TANGO6: variants seen among roughly 807,000 people sequenced by gnomAD.
TANGO6 encodes the protein transport and Golgi organization protein 6 homolog.
In TANGO6, 90 loss-of-function variants were observed where a neutral mutation model predicts 114.2. The observed-to-expected ratio is 0.79, with a 90% CI of 0.66 to 0.94. The LOEUF (loss-of-function observed/expected upper bound fraction) is 0.94. TANGO6 is among the 40% of genes least tolerant of loss of function. The pLI is 0.00. For synonymous variants in TANGO6, 477 were observed against 509.8 expected (o/e 0.94, Z 0.87); for missense variants, 1,274 against 1,315.3 (o/e 0.97, Z 0.49).
chr16:69,056,997 CTTTTTTTTTTT>C (rs71148961), intron 17 of TANGO6, among the ~76,000 whole-genome samples: 2 of 59,822 alleles, frequency 3.3e-5, no homozygotes, highest in South Asian at 7.3e-4. Flanking sequence ...GCCTGATTTT[CTTTTTTTTTTT>C]TTTTTTTTTT....
chr16:68,951,891 C>T (rs937748465), intron 14 of TANGO6, among the ~76,000 whole-genome samples: 2 of 152,134 alleles, frequency 1.3e-5, no homozygotes, highest in African/African-American at 4.8e-5. Context: ...AGATTACAGG[C>T]GTGAGCCACC....
chr16:68,978,708 C>T (rs983805139), intron 15 of TANGO6, among the ~76,000 whole-genome samples: 3 of 152,080 alleles, frequency 2.0e-5, no homozygotes, highest in African/African-American at 7.2e-5. Flanking sequence ...CCTACCTCTT[C>T]TCTGCAGTGG....
chr16:68,902,375 G>T lies in TANGO6; in HGVS notation c.1538G>T (p.Arg513Met), dbSNP rs1277385664. 2 of 1,613,114 alleles carry T rather than the reference G, an allele frequency of 1.2e-6. No individual in the cohort carries two copies. The highest frequency in any genetic ancestry group is 1.7e-6 in the Non-Finnish European group (2 of 1,179,532). Residue 513 changes from arginine (R) to methionine (M), a missense_variant, in exon 9 of 18, where the codon AGG becomes ATG. Coordinates refer to ENST00000261778, the MANE Select transcript of TANGO6 (RefSeq NM_024562.2). ...TTATGGATTCTGGGGAAGCTGGAAA[G>T]GAAGAAGGCAATTGCCAGCCTGAAA... The part of the protein sequence containing the change: ...ILLWILGKLE[R>M]KKAIASLKGF...
chr16:69,069,638 A>C (rs1017252903), intron 17 of TANGO6, among the ~76,000 whole-genome samples: 3 of 151,978 alleles, frequency 2.0e-5, no homozygotes, highest in African/African-American at 7.3e-5. Flanking sequence ...CTTGCGTGTT[A>C]TTCCTCTGTT....
At chr16:69,018,916 T>A (rs575972490) in intron 15 of TANGO6, among the ~76,000 whole-genome samples, 3 of 151,690 alleles carry the variant, frequency 2.0e-5, no homozygotes, top group South Asian at 2.1e-4. Flanking sequence ...TCTCAAAAAA[T>A]AAATAAATAA....
At chr16:68,937,096 A>G (rs1044835396) in intron 14 of TANGO6, 2 of 152,232 alleles carry the variant, frequency 1.3e-5, no homozygotes, top group Non-Finnish European at 2.9e-5. Flanking sequence ...TCTCTATCTC[A>G]TTCTCAGATT....
At chr16:68,973,169 G>T (rs1280919990) in intron 14 of TANGO6, 1 of 455,994 alleles carries the variant, frequency 2.2e-6, no homozygotes, top group Admixed American at 2.3e-5. Flanking sequence ...CCAATGAGGG[G>T]ATTATTGGAG....
chr16:68,903,650 G>C (rs1423994854), intron 9 of TANGO6, among the ~76,000 whole-genome samples: 2 of 150,402 alleles, frequency 1.3e-5, no homozygotes, highest in Non-Finnish European at 3.0e-5. Flanking sequence ...GACCAGGCGT[G>C]GTGGCTCACA....
chr16:69,055,555 G>C (rs550668117), intron 17 of TANGO6, among the ~76,000 whole-genome samples: 16 of 152,346 alleles, frequency 1.1e-4, no homozygotes, highest in African/African-American at 3.6e-4. Flanking sequence ...CAACTTGGCT[G>C]GGCCAGGTGT....
intron 1 of TANGO6, among the ~76,000 whole-genome samples, chr16:68,850,991 T>A (rs553097763): frequency 3.9e-5 from 6 of 152,344 alleles, no homozygotes; most frequent in African/African-American, 1.4e-4. Flanking sequence ...TTTCCTCCTC[T>A]GCTCTCTCCC....
chr16:68,974,666 TAAC>T (rs1160728263), intron 15 of TANGO6, among the ~76,000 whole-genome samples: 6 of 150,596 alleles, frequency 4.0e-5, no homozygotes, highest in African/African-American at 7.3e-5. Flanking sequence ...ATCTCAAAAA[TAAC>T]AACAACAAAA....
chr16:68,883,376 A>G (rs564083335), intron 7 of TANGO6, among the ~76,000 whole-genome samples: 45 of 152,268 alleles, frequency 3.0e-4, no homozygotes, highest in African/African-American at 9.9e-4. Flanking sequence ...AGATTTGCCT[A>G]TTGTGTACCT....
chr16:68,949,660 T>G (rs564692718), intron 14 of TANGO6, among the ~76,000 whole-genome samples: 1 of 151,908 alleles, frequency 6.6e-6, no homozygotes, highest in East Asian at 1.9e-4. Context: ...TAATACAAAT[T>G]ATGAGGATGT....
At chr16:68,928,121 G>A (rs1317855956) in intron 13 of TANGO6, 38 bp downstream of exon 13, 3 of 1,508,766 alleles carry the variant, frequency 2.0e-6, no homozygotes, top group Non-Finnish European at 2.7e-6. Context: ...TGGGCACAGG[G>A]TGGGGCATTC....
intron 9 of TANGO6, among the ~76,000 whole-genome samples, chr16:68,904,906 C>T (rs1480430984): frequency 2.0e-5 from 3 of 152,082 alleles, no homozygotes; most frequent in Non-Finnish European, 4.4e-5. Flanking sequence ...CAAGACCAGC[C>T]TGGGCAACAT....
At chr16:68,924,195 T>G (rs1963135712) in intron 12 of TANGO6, among the ~76,000 whole-genome samples, 1 of 151,940 alleles carries the variant, frequency 6.6e-6, no homozygotes, top group Non-Finnish European at 1.5e-5. Flanking sequence ...CTCTAATTCT[T>G]TTGCTTTTGA....
At chr16:68,922,141 A>T (rs959306823) in intron 12 of TANGO6, among the ~76,000 whole-genome samples, 15 of 152,110 alleles carry the variant, frequency 9.9e-5, no homozygotes, top group African/African-American at 3.4e-4. Context: ...TTTCTAATTT[A>T]TGTAATCAAA....
chr16:69,012,556 C>CAAAAAAAAAAAAAAAAAAAAAAAGAAAA (rs1175561720), intron 15 of TANGO6, among the ~76,000 whole-genome samples: 1 of 36,510 alleles, frequency 2.7e-5, no homozygotes, highest in African/African-American at 1.1e-4. Flanking sequence ...AACTCTGTCT[C>CAAAAAAAAAAAAAAAAAAAAAAAGAAAA]AAAAAAAAAA....
chr16:69,083,421 G>T (rs1428204759), intron 17 of TANGO6, 64 bp from the exon 18 acceptor site: 4 of 1,522,286 alleles, frequency 2.6e-6, no homozygotes, highest in Non-Finnish European at 2.7e-6. Flanking sequence ...GGAGAGGGCA[G>T]TTCAGTCGTA....
Sources: allele counts gnomAD v4.1 joint callset (sites outside exome capture counted in the v4.1 genomes callset), GRCh38; gene constraint gnomAD v4.1.1; transcripts MANE v1.5; gene names NCBI Gene and HGNC (gene_info 2026-07-23, HGNC 2026-07-21).